LBR: variants seen among roughly 807,000 people sequenced by gnomAD.
LBR encodes the protein delta(14)-sterol reductase LBR.
In LBR, 28 loss-of-function variants were observed where a neutral mutation model predicts 74.3. The ratio of observed to expected loss-of-function variants is 0.38; its 90% CI spans 0.28 to 0.52. The LOEUF (loss-of-function observed/expected upper bound fraction) is 0.52. Ranked by LOEUF, LBR falls within the 20% of genes least tolerant of loss-of-function variation. The pLI, the probability that LBR is intolerant of heterozygous loss-of-function variation, is 0.89. For synonymous variants in LBR, 228 were observed against 269.3 expected, an observed-to-expected ratio of 0.85 and a Z score of 1.50; for missense variants, 717 against 760.3, an observed-to-expected ratio of 0.94 and a Z score of 0.67.
intron 2 of LBR, among the ~76,000 whole-genome samples, chr1:225,423,374 A>G (rs549471491): frequency 5.5e-4 from 84 of 152,292 alleles, no homozygotes; most frequent in African/African-American, 1.9e-3. Flanking sequence ...CTTGGTGTTC[A>G]GGATGAAGCC....
Position 225,403,239 on chromosome 1 carries a change from T to C in LBR, c.*64A>G. The C allele has an allele frequency of 6.5e-7, 1 of 1,537,196 alleles. No homozygotes were observed. Among genetic ancestry groups the C allele is most frequent in the South Asian group, 1.1e-5 (1 of 89,486 alleles). On this transcript the variant is annotated 3_prime_UTR_variant, in exon 14 of 14. Coordinates refer to ENST00000272163, the MANE Select transcript of LBR (RefSeq NM_002296.4). ...CAACAAAAGAAAGTTTCGGATTTTT[T>C]TCCTTGTTTTTGCAAATGGCAGCTG...
intron 7 of LBR, chr1:225,414,094 T>C (rs922938816): frequency 4.4e-6 from 2 of 456,328 alleles, no homozygotes; most frequent in Non-Finnish European, 8.8e-6. Flanking sequence ...GTGCCAAAGG[T>C]TCTAAAACTT....
rs1184091558 is a variant in LBR at position 225,403,258 on chromosome 1, G to A, written c.*45C>T. On this transcript the variant is annotated 3_prime_UTR_variant, in exon 14 of 14. Coordinates refer to ENST00000272163, the MANE Select transcript of LBR (RefSeq NM_002296.4). ...ATTTTTTTCCTTGTTTTTGCAAATG[G>A]CAGCTGGAATTGCAGGAGTATTTTG... 3 of 1,584,448 alleles carry A rather than the reference G, an allele frequency of 1.9e-6. No individual in the cohort carries two copies. The highest frequency in any genetic ancestry group is 3.3e-5 in the Admixed American group (2 of 59,960).
Position 225,403,319 on chromosome 1 carries a change from A to AAT in LBR, c.1830_1831dup (p.Phe611TyrfsTer56). Reference sequence around the variant, plus strand: ...AGAAGAGCATTAGTAGATGTATGGAAATATACGGTAGGGCACACGCTGACA... The same window carrying AAT: ...AGAAGAGCATTAGTAGATGTATGGAAATATATACGGTAGGGCACACGCTGACA... On this transcript the variant is annotated frameshift_variant, in exon 14 of 14. Coordinates refer to ENST00000272163, the MANE Select transcript of LBR (RefSeq NM_002296.4). LOFTEE classifies it high-confidence loss of function. 6.2e-7 allele frequency: 1 copy of AAT among 1,614,032 alleles called. No homozygotes were observed. Among genetic ancestry groups the AAT allele is most frequent in the Non-Finnish European group, 8.5e-7 (1 of 1,179,942 alleles).
At chr1:225,418,609 T>C (rs1011873242) in intron 5 of LBR, among the ~76,000 whole-genome samples, 16 of 152,238 alleles carry the variant, frequency 1.1e-4, no homozygotes, top group Non-Finnish European at 2.4e-4. Context: ...GTTCATGTAA[T>C]GTGTGCAGAT....
intron 13 of LBR, among the ~76,000 whole-genome samples, chr1:225,403,683 A>G (rs1363759368): frequency 6.6e-6 from 1 of 152,206 alleles, no homozygotes; most frequent in Non-Finnish European, 1.5e-5. Flanking sequence ...ATCCATTCTA[A>G]CAATCCATCA....
chr1:225,404,505 G>A lies in LBR; in HGVS notation c.1586C>T (p.Ser529Leu), dbSNP rs773141972. 6.2e-7 allele frequency: 1 copy of A among 1,612,582 alleles called. No individual in the cohort carries two copies. Among genetic ancestry groups the A allele is most frequent in the South Asian group, 1.1e-5 (1 of 91,008 alleles). ...AGAAACTAGAAGATTTTTTCCCGTTGAAGTATGAATGGTTTTTAAATCTAT... is the reference window on the plus strand; with the variant it reads ...AGAAACTAGAAGATTTTTTCCCGTTAAAGTATGAATGGTTTTTAAATCTAT... Reference protein sequence around the residue: ...KLAHLKTIHTSTGKNLLVSGW... With the variant: ...KLAHLKTIHTLTGKNLLVSGW... Residue 529 changes from serine (S) to leucine (L), a missense_variant, in exon 13 of 14, where the codon TCA becomes TTA. Ser to Leu is a moderately radical substitution (Grantham distance 145, BLOSUM62 -2). Transcript: ENST00000272163.
At position 225,422,244 on chromosome 1, in the gene LBR, A is replaced by G. The variant is rs1393957671; in HGVS notation, c.199T>C (p.Ser67Pro). ...LTSFRQRKGG[S>P]TSSSPSRRRG... The stretch of plus-strand genomic sequence containing the variant: ...CGTCTGGAAGGGGAACTGGAAGTTG[A>G]GCCACCTTTCCTTTGCCTAAAGGAA... The change falls in exon 3 of 14, where the codon TCA becomes CCA. Residue 67 changes from serine (S) to proline (P), a missense_variant. Physicochemically the swap from Ser to Pro is moderately conservative, Grantham distance 74. Transcript: ENST00000272163. 6.2e-7 allele frequency: 1 copy of G among 1,613,808 alleles called. No homozygotes were observed. The highest frequency in any genetic ancestry group is 8.5e-7 in the Non-Finnish European group (1 of 1,180,030).
intron 7 of LBR, 105 bp downstream of exon 7, chr1:225,415,173 A>G: frequency 1.3e-6 from 1 of 759,386 alleles, no homozygotes; most frequent in Non-Finnish European, 2.2e-6. Flanking sequence ...CTAAGAAATA[A>G]TTTATCACTT....
intron 4 of LBR, 66 bp from the exon 5 acceptor site, chr1:225,419,518 C>T: frequency 8.7e-7 from 1 of 1,146,504 alleles, no homozygotes; most frequent in East Asian, 2.4e-5. Context: ...ACTGCATTAA[C>T]TATTTCAGCA....
intron 6 of LBR, among the ~76,000 whole-genome samples, chr1:225,416,152 G>A (rs1364605975): frequency 6.6e-6 from 1 of 150,676 alleles, no homozygotes; most frequent in Non-Finnish European, 1.5e-5. Context: ...GTTGCAGATT[G>A]CACCACTGCA....
chr1:225,413,507 G>A (rs1310948847), intron 7 of LBR, among the ~76,000 whole-genome samples: 1 of 152,236 alleles, frequency 6.6e-6, no homozygotes, highest in Non-Finnish European at 1.5e-5. Context: ...AGAGGTAGCT[G>A]TTATTTATAT....
chr1:225,413,930 A>C (rs534814336), intron 7 of LBR: 7 of 456,920 alleles, frequency 1.5e-5, no homozygotes, highest in Middle Eastern at 3.2e-4. Context: ...AGGGAAGTGA[A>C]AATATAACAC....
Position 225,418,091 on chromosome 1 carries a change from G to A in LBR, c.730C>T (p.Pro244Ser), listed in dbSNP as rs752316294. The A allele has an allele frequency of 6.2e-6, 10 of 1,614,048 alleles. No homozygotes were observed. In the East Asian group the frequency reaches 1.6e-4, roughly 25 times the overall value. The change falls in exon 6 of 14, where the codon CCT becomes TCT. Residue 244 changes from proline to serine, a missense_variant. By Grantham distance (74) the Pro-to-Ser change is moderately conservative. Transcript: ENST00000272163. ...KQKDPSLLNF[P>S]PPLPALYELW... is the part of the protein sequence containing the mutation. The stretch of plus-strand genomic sequence containing the variant: ...TCATACAAAGCTGGCAAAGGAGGAG[G>A]GAAATTCAGAAGACTGGGATCTTTC...
Position 225,419,402 on chromosome 1 carries a change from G to T in LBR, c.501C>A (p.Ser167Arg), listed in dbSNP as rs556842901. The change falls in exon 5 of 14, where the codon AGC becomes AGA. Residue 167 changes from serine (S) to arginine (R), a missense_variant. Physicochemically the swap from Ser to Arg is moderately radical, Grantham distance 110 (BLOSUM62 -1). Transcript: ENST00000272163. The stretch of plus-strand genomic sequence containing the variant: ...TGACTTCTTCTCTTCTTGGACGAAG[G>T]CTATACTGTGTTGCTATGTAACTGC... ...QESSYIATQY[S>R]LRPRREEVKL... 1 of 1,613,298 alleles carries T rather than the reference G, an allele frequency of 6.2e-7. No individual in the cohort carries two copies. Among genetic ancestry groups the T allele is most frequent in the East Asian group, 2.2e-5 (1 of 44,890 alleles).
In LBR at chr1:225,417,670, C is replaced by A. The variant is rs545060813; in HGVS notation, c.837+314G>T. 1.1e-5 allele frequency: 3 copies of A among 266,210 alleles called. No individual in the cohort carries two copies. The South Asian group carries it at 1.5e-4, about 14-fold the overall frequency. 16.5% of individuals were successfully genotyped at this position (266,210 alleles called of 1,614,324 possible). ...CGGCTACTTTGCAAAATAGCCTATTCTTTTCTATTTGGTTTGAAAAGTTAC... is the reference window on the plus strand; with the variant it reads ...CGGCTACTTTGCAAAATAGCCTATTATTTTCTATTTGGTTTGAAAAGTTAC... On this transcript the variant is annotated intron_variant, in intron 6 of 13. Transcript: ENST00000272163.
intron 6 of LBR, among the ~76,000 whole-genome samples, chr1:225,416,465 TTTATC>T (rs2096117372): frequency 6.6e-6 from 1 of 152,234 alleles, no homozygotes; most frequent in African/African-American, 2.4e-5. Context: ...GCTAAACTAC[TTTATC>T]TTATCATTAG....
chr1:225,420,305 G>A (rs1476478484), intron 3 of LBR, among the ~76,000 whole-genome samples: 5 of 84,676 alleles, frequency 5.9e-5, no homozygotes, highest in South Asian at 8.5e-4. Flanking sequence ...ATGAAACTCC[G>A]CCTCAAAAAA....
chr1:225,406,604 C>A, intron 11 of LBR, 60 bp downstream of exon 11: 1 of 1,422,220 alleles, frequency 7.0e-7, no homozygotes, highest in Admixed American at 1.9e-5. Flanking sequence ...GACAGCAGGG[C>A]ATAAAAGCCT....
Sources: allele counts gnomAD v4.1 joint callset (sites outside exome capture counted in the v4.1 genomes callset), GRCh38; gene constraint gnomAD v4.1.1; transcripts MANE v1.5; gene names NCBI Gene and HGNC (gene_info 2026-07-23, HGNC 2026-07-21).